RAPGEF4: variants seen among roughly 807,000 people sequenced by gnomAD.
RAPGEF4 encodes Rap guanine nucleotide exchange factor 4, also known as RAP guanine-nucleotide-exchange factor (GEF) 4.
Under a neutral mutation model 147.9 loss-of-function variants are expected in RAPGEF4, and 66 were observed. The observed-to-expected ratio is 0.45, with a 90% CI of 0.37 to 0.55. The LOEUF (loss-of-function observed/expected upper bound fraction) is 0.55. Among genes scored for constraint, RAPGEF4 ranks in the 20% least tolerant of loss-of-function variants. The pLI is 0.00. For missense variants in RAPGEF4, 1,071 were observed against 1,257.3 expected, an observed-to-expected ratio of 0.85 and a Z score of 2.24; for synonymous variants, 419 against 442.7, an observed-to-expected ratio of 0.95 and a Z score of 0.67.
intron 1 of RAPGEF4, among the ~76,000 whole-genome samples, chr2:172,751,970 G>A (rs1695333583): frequency 1.0e-4 from 2 of 19,200 alleles, no homozygotes. Context: ...ACTTAAAGAT[G>A]TGAAAAATAT....
At chr2:173,038,194 T>C (rs910481242) in intron 29 of RAPGEF4, among the ~76,000 whole-genome samples, 2 of 152,242 alleles carry the variant, frequency 1.3e-5, no homozygotes, top group Non-Finnish European at 2.9e-5. Flanking sequence ...TGTGTCAATT[T>C]AATAATTGTT....
chr2:173,043,912 C>G (rs892790953), intron 29 of RAPGEF4, among the ~76,000 whole-genome samples: 1 of 152,338 alleles, frequency 6.6e-6, no homozygotes, highest in African/African-American at 2.4e-5. Context: ...TGTCTTTGTA[C>G]TGGTCACTCT....
At chr2:172,743,722 G>C (rs1158358177) in intron 1 of RAPGEF4, among the ~76,000 whole-genome samples, 1 of 152,134 alleles carries the variant, frequency 6.6e-6, no homozygotes, top group Non-Finnish European at 1.5e-5. Context: ...TTCCAGGGAA[G>C]CTCTTGCTTT....
intron 29 of RAPGEF4, among the ~76,000 whole-genome samples, chr2:173,046,074 C>G (rs1047689334): frequency 6.6e-6 from 1 of 152,162 alleles, no homozygotes; most frequent in African/African-American, 2.4e-5. Flanking sequence ...TGGGTTCACA[C>G]CATTAAACAT....
intron 4 of RAPGEF4, among the ~76,000 whole-genome samples, chr2:172,900,070 G>A (rs1282453490): frequency 1.3e-5 from 2 of 152,226 alleles, no homozygotes; most frequent in African/African-American, 4.8e-5. Flanking sequence ...TGGGGACAGA[G>A]TTCCCCACTC....
intron 29 of RAPGEF4, among the ~76,000 whole-genome samples, chr2:173,046,349 A>C (rs561226296): frequency 2.6e-5 from 4 of 152,332 alleles, no homozygotes; most frequent in Non-Finnish European, 5.9e-5. Context: ...AGTAGCATAA[A>C]ACCAAAGTCA....
chr2:173,036,717 C>T, intron 29 of RAPGEF4, 25 bp downstream of exon 29: 1 of 1,501,232 alleles, frequency 6.7e-7, no homozygotes, highest in Non-Finnish European at 9.1e-7. Context: ...ATAACCTTAA[C>T]CACAATGTGT....
At chr2:172,832,007 C>T (rs1690404288) in intron 4 of RAPGEF4, among the ~76,000 whole-genome samples, 1 of 152,154 alleles carries the variant, frequency 6.6e-6, no homozygotes, top group South Asian at 2.1e-4. Context: ...TTTAATCTGG[C>T]ATATTATTCT....
chr2:172,860,466 A>G (rs1161169967), intron 4 of RAPGEF4, among the ~76,000 whole-genome samples: 1 of 152,160 alleles, frequency 6.6e-6, no homozygotes, highest in Admixed American at 6.5e-5. Context: ...CTTAACAGAG[A>G]ACAGTTTAAC....
intron 16 of RAPGEF4, among the ~76,000 whole-genome samples, chr2:173,000,241 G>T (rs1275237704): frequency 6.6e-6 from 1 of 152,164 alleles, no homozygotes; most frequent in Non-Finnish European, 1.5e-5. Context: ...ATATTTAAAT[G>T]ACTATGTATA....
intron 16 of RAPGEF4, among the ~76,000 whole-genome samples, chr2:172,997,809 A>G (rs1693517799): frequency 1.3e-5 from 2 of 152,222 alleles, no homozygotes; most frequent in Non-Finnish European, 2.9e-5. Context: ...GACCTTTGCT[A>G]TATATTCAAG....
intron 4 of RAPGEF4, among the ~76,000 whole-genome samples, chr2:172,827,508 C>T (rs1216246721): frequency 6.6e-6 from 1 of 151,994 alleles, no homozygotes; most frequent in Non-Finnish European, 1.5e-5. Context: ...TTTTCAATTC[C>T]ATCCCACCAT....
At chr2:172,844,311 C>A (rs1002609105) in intron 4 of RAPGEF4, among the ~76,000 whole-genome samples, 1 of 152,146 alleles carries the variant, frequency 6.6e-6, no homozygotes, top group Non-Finnish European at 1.5e-5. Context: ...TGGGCAGAGT[C>A]CAGGGTTAAG....
rs535073107 is a variant in RAPGEF4 at position 172,904,425 on chromosome 2, G to A, written c.445-13377G>A. 8.5e-5 allele frequency among the ~76,000 whole-genome samples: 13 copies of A among 152,274 alleles called. No homozygotes were observed. In the South Asian group the frequency reaches 1.5e-3, roughly 17 times the overall value. On this transcript the variant is annotated intron_variant, in intron 4 of 30. Transcript: ENST00000397081. ...ACATTGCTAGAGCAAATTGTTTTACGACTTTCAATTAAGTAGCATTGACCT... is the reference window on the plus strand; with the variant it reads ...ACATTGCTAGAGCAAATTGTTTTACAACTTTCAATTAAGTAGCATTGACCT...
At chr2:173,051,347 G>A (rs950082994) in intron 30 of RAPGEF4, among the ~76,000 whole-genome samples, 2 of 152,128 alleles carry the variant, frequency 1.3e-5, no homozygotes, top group South Asian at 4.1e-4. Flanking sequence ...TCTATACCCA[G>A]GGGCTATCAG....
chr2:172,808,897 G>T (rs968377520), intron 3 of RAPGEF4, among the ~76,000 whole-genome samples: 1 of 152,208 alleles, frequency 6.6e-6, no homozygotes, highest in Non-Finnish European at 1.5e-5. Flanking sequence ...CCACGTGGGA[G>T]TCCTTTGCCT....
intron 8 of RAPGEF4, among the ~76,000 whole-genome samples, chr2:172,963,756 C>T (rs553613702): frequency 2.0e-5 from 3 of 152,336 alleles, no homozygotes; most frequent in Non-Finnish European, 4.4e-5. Context: ...TCCATCCTCT[C>T]TCTCCCTCCT....
At chr2:172,818,906 C>T (rs3769307) in intron 4 of RAPGEF4, among the ~76,000 whole-genome samples, 31,058 of 152,104 alleles carry the variant, frequency 0.2, 3,680 homozygotes, top group Middle Eastern at 0.31. Flanking sequence ...AATTCTATCC[C>T]CAATACCTCT....
chr2:172,869,633 T>A (rs912482830), intron 4 of RAPGEF4, among the ~76,000 whole-genome samples: 2 of 152,188 alleles, frequency 1.3e-5, no homozygotes, highest in African/African-American at 4.8e-5. Context: ...TTGATGATTT[T>A]TATTATGCAC....
Sources: allele counts gnomAD v4.1 joint callset (sites outside exome capture counted in the v4.1 genomes callset), GRCh38; gene constraint gnomAD v4.1.1; transcripts MANE v1.5; gene names NCBI Gene and HGNC (gene_info 2026-07-23, HGNC 2026-07-21).